The following SUGCT variants were observed in gnomAD, a reference collection of about 807,000 sequenced individuals.
The protein encoded by SUGCT is succinyl-CoA:glutarate CoA-transferase.
Under a neutral mutation model 55.0 loss-of-function variants are expected in SUGCT, and 41 were observed. That is an observed-to-expected ratio of 0.74 (90% CI 0.58 to 0.97). The LOEUF is 0.97. Among genes scored for constraint, SUGCT ranks in the 50% least tolerant of loss-of-function variants. The probability of loss-of-function intolerance (pLI) is 0.00; values close to 1 mark genes in which losing one functional copy is unlikely to be tolerated. For synonymous variants in SUGCT, 187 were observed against 200.4 expected (o/e 0.93, Z 0.56); for missense variants, 568 against 547.8 (o/e 1.04, Z -0.37).
At chr7:40,233,665 GTTA>G (rs1788850181) in intron 6 of SUGCT, among the ~76,000 whole-genome samples, 1 of 151,964 alleles carries the variant, frequency 6.6e-6, no homozygotes, top group Non-Finnish European at 1.5e-5. Flanking sequence ...TTTTCTTTTT[GTTA>G]TTCTCAACAT....
intron 13 of SUGCT, among the ~76,000 whole-genome samples, chr7:40,800,413 C>G (rs1249747630): frequency 6.6e-6 from 1 of 151,614 alleles, no homozygotes; most frequent in Non-Finnish European, 1.5e-5. Context: ...CTCAGCCTCT[C>G]GAGTAGCTGG....
the SUGCT span, among the ~76,000 whole-genome samples, chr7:40,950,273 G>A: frequency 6.6e-6 from 1 of 152,030 alleles, no homozygotes; most frequent in African/African-American, 2.4e-5. Context: ...TTATTGGTGT[G>A]TAAGAATGCT....
chr7:40,770,154 T>C (rs1789018579), intron 13 of SUGCT, among the ~76,000 whole-genome samples: 1 of 152,212 alleles, frequency 6.6e-6, no homozygotes, highest in African/African-American at 2.4e-5. Context: ...TGCTGTTTTG[T>C]CTCTGTTATT....
intron 9 of SUGCT, among the ~76,000 whole-genome samples, chr7:40,430,480 C>T (rs1010454056): frequency 6.6e-6 from 1 of 152,110 alleles, no homozygotes; most frequent in Non-Finnish European, 1.5e-5. Flanking sequence ...AGAGAAATAC[C>T]TGTTCAAGCT....
At chr7:40,737,930 A>C (rs1232914115) in intron 12 of SUGCT, among the ~76,000 whole-genome samples, 2 of 151,774 alleles carry the variant, frequency 1.3e-5, no homozygotes. Context: ...GTCTCAAAAA[A>C]AACAAAAAAA....
chr7:40,383,214 C>A (rs1784957297), intron 9 of SUGCT, among the ~76,000 whole-genome samples: 1 of 152,134 alleles, frequency 6.6e-6, no homozygotes. Flanking sequence ...AAATTATATA[C>A]ATATTTTATG....
intron 8 of SUGCT, among the ~76,000 whole-genome samples, chr7:40,283,573 G>A (rs74648747): frequency 1.3e-5 from 2 of 152,230 alleles, no homozygotes; most frequent in South Asian, 2.1e-4. Flanking sequence ...ACAAGTATCT[G>A]AGAAAATGTC....
At chr7:40,895,606 AACAG>A in the SUGCT span, among the ~76,000 whole-genome samples, 6 of 152,196 alleles carry the variant, frequency 3.9e-5, no homozygotes, top group Non-Finnish European at 8.8e-5. Flanking sequence ...TGATTATCTG[AACAG>A]ACACAGAAAA....
intron 9 of SUGCT, among the ~76,000 whole-genome samples, chr7:40,421,073 C>A (rs1787282774): frequency 6.6e-6 from 1 of 152,130 alleles, no homozygotes; most frequent in African/African-American, 2.4e-5. Flanking sequence ...TTACATAGTT[C>A]TCTCATGGAA....
chr7:40,300,499 G>A (rs1418160128), intron 8 of SUGCT, among the ~76,000 whole-genome samples: 1 of 152,226 alleles, frequency 6.6e-6, no homozygotes, highest in Non-Finnish European at 1.5e-5. Flanking sequence ...CAACAAAGCA[G>A]AGTGCCTCCT....
the SUGCT span, among the ~76,000 whole-genome samples, chr7:41,017,103 TC>T: frequency 6.6e-6 from 1 of 152,216 alleles, no homozygotes; most frequent in African/African-American, 2.4e-5. Flanking sequence ...TTTGCTTTCT[TC>T]CTCTCATAAG....
At chr7:40,920,494 T>C in the SUGCT span, among the ~76,000 whole-genome samples, 8 of 152,052 alleles carry the variant, frequency 5.3e-5, no homozygotes, top group African/African-American at 1.9e-4. Flanking sequence ...GACTGAAAAA[T>C]GCACCCCCAA....
chr7:40,477,262 T>C (rs965952069), intron 11 of SUGCT, among the ~76,000 whole-genome samples: 28 of 152,252 alleles, frequency 1.8e-4, no homozygotes, highest in African/African-American at 6.5e-4. Flanking sequence ...TTAGGAGTCA[T>C]TTAAAGGAAA....
intron 12 of SUGCT, among the ~76,000 whole-genome samples, chr7:40,569,748 A>C (rs1016448966): frequency 6.6e-6 from 1 of 152,242 alleles, no homozygotes; most frequent in African/African-American, 2.4e-5. Context: ...GTTGAGAGTT[A>C]CAATATAAAA....
chr7:40,631,124 G>C (rs1352402169), intron 12 of SUGCT, among the ~76,000 whole-genome samples: 1 of 152,126 alleles, frequency 6.6e-6, no homozygotes, highest in African/African-American at 2.4e-5. Context: ...TAGAATGATA[G>C]GAAAGAACAA....
At chr7:40,393,107 A>G (rs142056887) in intron 9 of SUGCT, among the ~76,000 whole-genome samples, 4 of 152,290 alleles carry the variant, frequency 2.6e-5, no homozygotes, top group African/African-American at 7.2e-5. Flanking sequence ...AGGAATTTTT[A>G]TCATCTGTGG....
downstream of SUGCT, among the ~76,000 whole-genome samples, chr7:40,864,914 C>T (rs1794553798): frequency 1.3e-5 from 2 of 152,094 alleles, no homozygotes; most frequent in Non-Finnish European, 1.5e-5. Context: ...TGTGAAGCAG[C>T]TCCTTTTTCT....
intron 12 of SUGCT, among the ~76,000 whole-genome samples, chr7:40,528,256 G>A (rs1445931052): frequency 6.6e-6 from 1 of 152,084 alleles, no homozygotes; most frequent in African/African-American, 2.4e-5. Context: ...AGACTACTTA[G>A]TTTGACTTAT....
chr7:40,458,865 A>G (rs1162835265), intron 10 of SUGCT, among the ~76,000 whole-genome samples: 2 of 152,114 alleles, frequency 1.3e-5, no homozygotes, highest in Admixed American at 1.3e-4. Flanking sequence ...CTGGTCTCCT[A>G]TATGTAAGAA....
Sources: gnomAD v4.1 joint callset for allele counts (sites outside exome capture counted in the v4.1 genomes callset) on GRCh38, gnomAD v4.1.1 for gene constraint, MANE v1.5 for transcripts, NCBI Gene and HGNC (gene_info 2026-07-23, HGNC 2026-07-21) for gene names.